Variants in ENOX1 observed in about 807,000 individuals in gnomAD.
ENOX1 encodes ecto-NOX disulfide-thiol exchanger 1.
In ENOX1, 42 loss-of-function variants were observed where a neutral mutation model predicts 82.5. The observed-to-expected ratio is 0.51, with a 90% CI of 0.40 to 0.66. The LOEUF (loss-of-function observed/expected upper bound fraction) is 0.66. ENOX1 is among the 30% of genes least tolerant of loss of function. The pLI is 0.00. For synonymous variants in ENOX1, 271 were observed against 282.2 expected (o/e 0.96, Z 0.40); for missense variants, 608 against 811.6 (o/e 0.75, Z 3.05).
At chr13:43,239,798 C>T (rs949887073) in intron 14 of ENOX1, among the ~76,000 whole-genome samples, 16 of 152,330 alleles carry the variant, frequency 1.1e-4, no homozygotes, top group South Asian at 8.3e-4. Context: ...TGATTTTAGA[C>T]AGCCACATTA....
chr13:43,527,308 C>A (rs974688971), intron 2 of ENOX1, among the ~76,000 whole-genome samples: 1 of 152,078 alleles, frequency 6.6e-6, no homozygotes, highest in Non-Finnish European at 1.5e-5. Flanking sequence ...CTGGGCCAAA[C>A]CTCATACTGT....
At chr13:43,728,871 G>A (rs2089154131) in intron 1 of ENOX1, among the ~76,000 whole-genome samples, 1 of 152,152 alleles carries the variant, frequency 6.6e-6, no homozygotes, top group African/African-American at 2.4e-5. Flanking sequence ...TATTTTCTCT[G>A]AATTACGTTA....
intron 8 of ENOX1, among the ~76,000 whole-genome samples, chr13:43,347,193 C>T (rs1487949464): frequency 1.3e-5 from 2 of 152,158 alleles, no homozygotes; most frequent in East Asian, 3.8e-4. Flanking sequence ...GCCCTTCACA[C>T]CTAGACCTAG....
intron 2 of ENOX1, among the ~76,000 whole-genome samples, chr13:43,588,737 A>C (rs2081106439): frequency 6.6e-6 from 1 of 152,222 alleles, no homozygotes; most frequent in Non-Finnish European, 1.5e-5. Flanking sequence ...CAAATGATGA[A>C]AACAGGGCTG....
chr13:43,785,058 T>G (rs776928963), intron 1 of ENOX1, among the ~76,000 whole-genome samples: 24 of 152,230 alleles, frequency 1.6e-4, no homozygotes, highest in Non-Finnish European at 2.9e-4. Context: ...TTAACGCATC[T>G]CCTCCAAGAG....
intron 6 of ENOX1, among the ~76,000 whole-genome samples, chr13:43,360,947 C>A (rs2050462354): frequency 6.6e-6 from 1 of 152,190 alleles, no homozygotes; most frequent in Admixed American, 6.5e-5. Context: ...TTTTCACCCA[C>A]ATTTGTGAAG....
intron 2 of ENOX1, among the ~76,000 whole-genome samples, chr13:43,555,333 C>T (rs1156967432): frequency 1.3e-5 from 2 of 152,226 alleles, no homozygotes; most frequent in Non-Finnish European, 2.9e-5. Flanking sequence ...TTGTAGCAAA[C>T]TTTGCTAATT....
At chr13:43,557,978 A>G (rs1291310997) in intron 2 of ENOX1, among the ~76,000 whole-genome samples, 2 of 152,162 alleles carry the variant, frequency 1.3e-5, no homozygotes, top group Non-Finnish European at 2.9e-5. Context: ...CTGTCTTAAG[A>G]AGTTTAAGCA....
chr13:43,589,732 A>C (rs1311603336), intron 2 of ENOX1, among the ~76,000 whole-genome samples: 1 of 151,490 alleles, frequency 6.6e-6, no homozygotes, highest in Non-Finnish European at 1.5e-5. Flanking sequence ...TTAGTCTTGA[A>C]CTCCAGGCCT....
chr13:43,663,538 C>G (rs2084832734), intron 2 of ENOX1, among the ~76,000 whole-genome samples: 1 of 152,094 alleles, frequency 6.6e-6, no homozygotes, highest in African/African-American at 2.4e-5. Context: ...GCTCTGTTTC[C>G]TATATAAAAG....
At chr13:43,296,789 T>C (rs532756826) in intron 12 of ENOX1, among the ~76,000 whole-genome samples, 1 of 152,326 alleles carries the variant, frequency 6.6e-6, no homozygotes, top group Admixed American at 6.5e-5. Context: ...AAAGACTTTA[T>C]ACACTTTTAA....
At chr13:43,480,632 T>C (rs1039778389) in intron 3 of ENOX1, among the ~76,000 whole-genome samples, 8 of 152,162 alleles carry the variant, frequency 5.3e-5, no homozygotes, top group African/African-American at 1.9e-4. Context: ...TGAGAAAGAC[T>C]TGAAATCATA....
chr13:43,229,044 G>C (rs1326937377), intron 15 of ENOX1, among the ~76,000 whole-genome samples: 1 of 152,140 alleles, frequency 6.6e-6, no homozygotes, highest in South Asian at 2.1e-4. Context: ...TGAATCATAG[G>C]GGCAGTTTCC....
intron 12 of ENOX1, among the ~76,000 whole-genome samples, chr13:43,294,891 A>G (rs1279027917): frequency 6.6e-6 from 1 of 152,198 alleles, no homozygotes; most frequent in African/African-American, 2.4e-5. Flanking sequence ...CCTACTGTTC[A>G]ATTCCCCTTA....
In ENOX1 at chr13:43,240,157, G is replaced by A. The variant is rs76784456; in HGVS notation, c.1612-3419C>T. On this transcript the variant is annotated intron_variant, in intron 14 of 16. Coordinates refer to ENST00000690772, the MANE Select transcript of ENOX1 (RefSeq NM_001347969.2). ...TTAATTCCCAAACCAATTCCCTGTT[G>A]CACTTAAGCTAAGCCTGTTTTTACT... is the stretch of plus-strand genomic sequence containing the variant. Among the ~76,000 whole-genome samples, 67 of 152,252 alleles carry A rather than the reference G, an allele frequency of 4.4e-4. 1 individual carries two copies. The highest frequency in any genetic ancestry group is 1.6e-3 in the African/African-American group (65 of 41,550).
intron 3 of ENOX1, among the ~76,000 whole-genome samples, chr13:43,417,877 G>A (rs1158051323): frequency 1.3e-5 from 2 of 152,104 alleles, no homozygotes; most frequent in Admixed American, 6.5e-5. Flanking sequence ...ACCTCAGTTG[G>A]AGCACAATAT....
At chr13:43,734,523 C>T (rs1453556972) in intron 1 of ENOX1, among the ~76,000 whole-genome samples, 2 of 152,188 alleles carry the variant, frequency 1.3e-5, no homozygotes, top group Non-Finnish European at 2.9e-5. Flanking sequence ...GTCATCCTGC[C>T]TTCCTTTCCT....
intron 2 of ENOX1, among the ~76,000 whole-genome samples, chr13:43,500,748 T>C (rs1300567154): frequency 6.6e-6 from 1 of 151,866 alleles, no homozygotes; most frequent in African/African-American, 2.4e-5. Context: ...AGTAAAAAGA[T>C]TAGTTTTAAG....
intron 3 of ENOX1, among the ~76,000 whole-genome samples, chr13:43,420,043 T>C (rs186618812): frequency 6.6e-6 from 1 of 152,214 alleles, no homozygotes. Context: ...TTATAAGAAC[T>C]CTCCATTAGC....
Sources: gnomAD v4.1 joint callset for allele counts (sites outside exome capture counted in the v4.1 genomes callset) on GRCh38, gnomAD v4.1.1 for gene constraint, MANE v1.5 for transcripts, NCBI Gene and HGNC (gene_info 2026-07-23, HGNC 2026-07-21) for gene names.